NTNG1: variants seen among roughly 807,000 people sequenced by gnomAD.
The protein encoded by NTNG1 is netrin-G1.
A neutral mutation model predicts 54.0 loss-of-function variants in NTNG1; 16 were observed. The ratio of observed to expected loss-of-function variants is 0.30; its 90% confidence interval spans 0.20 to 0.45. The LOEUF (loss-of-function observed/expected upper bound fraction) is 0.45. Ranked by LOEUF, NTNG1 falls within the 20% of genes least tolerant of loss-of-function variation. The pLI is 1.00. For synonymous variants in NTNG1, 255 were observed against 263.1 expected, an observed-to-expected ratio of 0.97 and a Z score of 0.30; for missense variants, 530 against 678.7, an observed-to-expected ratio of 0.78 and a Z score of 2.43.
At chr1:107,466,630 C>T (rs538463966) in intron 7 of NTNG1, among the ~76,000 whole-genome samples, 2 of 152,282 alleles carry the variant, frequency 1.3e-5, no homozygotes, top group South Asian at 2.1e-4. Context: ...TTCATCACTG[C>T]TTAATCTAAC....
intron 3 of NTNG1, among the ~76,000 whole-genome samples, chr1:107,378,162 A>G (rs1297646567): frequency 1.3e-5 from 2 of 152,228 alleles, no homozygotes. Flanking sequence ...GAGAAATTAG[A>G]CAATAGGTCT....
chr1:107,431,496 G>A (rs747408293), intron 6 of NTNG1, among the ~76,000 whole-genome samples: 30 of 152,116 alleles, frequency 2.0e-4, no homozygotes, highest in Non-Finnish European at 4.0e-4. Context: ...AAAAGGAGGA[G>A]TAATTTCTCA....
intron 2 of NTNG1, among the ~76,000 whole-genome samples, chr1:107,246,934 G>T (rs114974797): frequency 0.022 from 3,398 of 151,432 alleles, 123 homozygotes; most frequent in African/African-American, 0.078. Flanking sequence ...CAGGCATCGG[G>T]TTATTCCTAT....
intron 7 of NTNG1, among the ~76,000 whole-genome samples, chr1:107,468,973 A>G (rs1478537692): frequency 2.0e-5 from 3 of 151,862 alleles, no homozygotes; most frequent in African/African-American, 7.2e-5. Flanking sequence ...GCGCGCGCCT[A>G]TAATCCCAGC....
intron 2 of NTNG1, among the ~76,000 whole-genome samples, chr1:107,290,399 AAGTGAC>A (rs1240818775): frequency 1.3e-5 from 2 of 152,184 alleles, no homozygotes; most frequent in Admixed American, 1.3e-4. Flanking sequence ...AAGGTTCCTG[AAGTGAC>A]AGCTGAAAGA....
At chr1:107,167,165 C>G (rs9628994) in intron 2 of NTNG1, among the ~76,000 whole-genome samples, 1 of 151,844 alleles carries the variant, frequency 6.6e-6, no homozygotes, top group Non-Finnish European at 1.5e-5. Flanking sequence ...ATAAAATTGC[C>G]TAAGTTCTAT....
intron 3 of NTNG1, among the ~76,000 whole-genome samples, chr1:107,372,022 T>C (rs895354501): frequency 3.3e-5 from 5 of 152,072 alleles, no homozygotes; most frequent in African/African-American, 1.2e-4. Context: ...CAACTTGTAG[T>C]GTATCACCTC....
Position 107,413,287 on chromosome 1 carries a change from T to C in NTNG1, c.1087+5579T>C, listed in dbSNP as rs143851534. ...ACGCCATTCTCCCACCTCAGCCTCCTGAATAGCTGGGACTACAGGCTCCTG... is the reference window on the plus strand; with the variant it reads ...ACGCCATTCTCCCACCTCAGCCTCCCGAATAGCTGGGACTACAGGCTCCTG... On this transcript the variant is annotated intron_variant, in intron 5 of 7. Coordinates refer to ENST00000370068, the MANE Select transcript of NTNG1 (RefSeq NM_001113226.3). Among the ~76,000 whole-genome samples the C allele has an allele frequency of 0.014, 2,102 of 151,982 alleles. 96 individuals carry two copies. The East Asian group carries it at 0.17, about 13-fold the overall frequency.
intron 3 of NTNG1, 22 bp downstream of exon 3, chr1:107,324,944 T>C (rs1557900846): frequency 1.3e-6 from 2 of 1,591,620 alleles, no homozygotes; most frequent in South Asian, 1.1e-5. Flanking sequence ...TCTGTCTGCC[T>C]TCAATGGGAA....
rs1185684091 is a variant in NTNG1 at position 107,280,902 on chromosome 1, T to TTTTA, written c.247-43378_247-43377insTATT. 3.9e-3 allele frequency among the ~76,000 whole-genome samples: 550 copies of TTTTA among 142,766 alleles called. 5 individuals are homozygous for TTTTA. The highest frequency in any genetic ancestry group is 0.014 in the African/African-American group (534 of 39,268). 93.7% of individuals were successfully genotyped at this position (142,766 alleles called of 152,430 possible). A position where few individuals can be genotyped will look rare whatever the true frequency, so the allele number is the denominator to read the frequency against. The stretch of plus-strand genomic sequence containing the variant: ...TTTTATTTTATTTTATTTTATTTTA[T>TTTTA]TTATTTTGGCTGAGAATGAAGGCCA... On this transcript the variant is annotated intron_variant, in intron 2 of 7. Coordinates refer to ENST00000370068, the MANE Select transcript of NTNG1 (RefSeq NM_001113226.3).
At chr1:107,355,122 A>G (rs904258158) in intron 3 of NTNG1, among the ~76,000 whole-genome samples, 1 of 151,622 alleles carries the variant, frequency 6.6e-6, no homozygotes, top group Non-Finnish European at 1.5e-5. Flanking sequence ...TTTCTTTTAA[A>G]CCTTCCTGAT....
At chr1:107,228,257 T>G (rs1660819115) in intron 2 of NTNG1, among the ~76,000 whole-genome samples, 1 of 152,202 alleles carries the variant, frequency 6.6e-6, no homozygotes, top group Non-Finnish European at 1.5e-5. Flanking sequence ...ACTCTCACTT[T>G]CCTGCTCTTT....
intron 5 of NTNG1, 63 bp from the exon 6 acceptor site, chr1:107,430,687 T>C (rs780215368): frequency 1.3e-6 from 2 of 1,521,162 alleles, no homozygotes; most frequent in African/African-American, 1.4e-5. Flanking sequence ...TACCCAAGCA[T>C]GTAGTATGCT....
intron 2 of NTNG1, among the ~76,000 whole-genome samples, chr1:107,272,244 A>G (rs1664196936): frequency 6.6e-6 from 1 of 152,148 alleles, no homozygotes; most frequent in Non-Finnish European, 1.5e-5. Flanking sequence ...TAAAGGGTCT[A>G]AAAGAACTTT....
At chr1:107,189,117 C>T (rs1490328539) in intron 2 of NTNG1, among the ~76,000 whole-genome samples, 3 of 151,738 alleles carry the variant, frequency 2.0e-5, no homozygotes, top group South Asian at 2.1e-4. Flanking sequence ...TTTGGGAGAC[C>T]GAGGTGGGTG....
intron 2 of NTNG1, among the ~76,000 whole-genome samples, chr1:107,316,617 A>G (rs1443236632): frequency 6.6e-6 from 1 of 152,118 alleles, no homozygotes; most frequent in Non-Finnish European, 1.5e-5. Context: ...TCTGTTTTTT[A>G]TATAAAATTA....
At chr1:107,376,193 G>A (rs1421459040) in intron 3 of NTNG1, among the ~76,000 whole-genome samples, 3 of 151,440 alleles carry the variant, frequency 2.0e-5, no homozygotes, top group African/African-American at 7.3e-5. Context: ...GGCAGAGGTG[G>A]GCGGATCATG....
chr1:107,358,395 A>G (rs1300072533), intron 3 of NTNG1, among the ~76,000 whole-genome samples: 1 of 151,942 alleles, frequency 6.6e-6, no homozygotes, highest in Non-Finnish European at 1.5e-5. Flanking sequence ...ACTAGAATTA[A>G]TCAACAGCAA....
At chr1:107,465,960 G>A (rs559200383) in intron 7 of NTNG1, among the ~76,000 whole-genome samples, 1 of 152,146 alleles carries the variant, frequency 6.6e-6, no homozygotes, top group Non-Finnish European at 1.5e-5. Context: ...TATGTGTGTG[G>A]GAAGGTGGTA....
Sources: allele counts gnomAD v4.1 joint callset (sites outside exome capture counted in the v4.1 genomes callset), GRCh38; gene constraint gnomAD v4.1.1; transcripts MANE v1.5; gene names NCBI Gene and HGNC (gene_info 2026-07-23, HGNC 2026-07-21).